The following SIPA1L3 variants were observed in gnomAD, a reference collection of about 807,000 sequenced individuals.
The protein encoded by SIPA1L3 is signal induced proliferation associated 1 like 3, also known as signal-induced proliferation-associated 1-like protein 3.
Under a neutral mutation model 150.1 loss-of-function variants are expected in SIPA1L3, and 59 were observed. The observed-to-expected ratio is 0.39, with a 90% CI of 0.32 to 0.49. SIPA1L3 has a LOEUF of 0.49. Ranked by LOEUF, SIPA1L3 falls within the 20% of genes least tolerant of loss-of-function variation. SIPA1L3 has a pLI of 0.86. For synonymous variants in SIPA1L3, 1,070 were observed against 1,077.6 expected (o/e 0.99, Z 0.14); for missense variants, 2,211 against 2,489.5 (o/e 0.89, Z 2.38).
Position 38,037,394 on chromosome 19 carries a change from G to A in SIPA1L3, c.-311+8238G>A, listed in dbSNP as rs374550448. On this transcript the variant is annotated intron_variant, in intron 2 of 21. Transcript: ENST00000222345. ...GAGGGAACCGCATCAGCAGAGCTCC[G>A]GACGTGGGAAGGAGCTTGACTCTGC... Among the ~76,000 whole-genome samples, 3 of 152,286 alleles carry A rather than the reference G, an allele frequency of 2.0e-5. No individual in the cohort carries two copies. In the East Asian group the frequency reaches 5.8e-4, roughly 29 times the overall value.
chr19:37,924,508 T>C (rs1000881937), intron 1 of SIPA1L3, among the ~76,000 whole-genome samples: 1 of 148,384 alleles, frequency 6.7e-6, no homozygotes, highest in Non-Finnish European at 1.5e-5. Context: ...CGAAACCCCA[T>C]CTCTACTAAA....
In SIPA1L3 at chr19:38,121,567, C is replaced by T. The variant is rs187094206; in HGVS notation, c.2868+1685C>T. Among the ~76,000 whole-genome samples the T allele has an allele frequency of 2.4e-3, 356 of 150,014 alleles. 1 individual carries two copies. Among genetic ancestry groups the T allele is most frequent in the African/African-American group, 8.2e-3 (335 of 40,736 alleles). On this transcript the variant is annotated intron_variant, in intron 9 of 21. Coordinates refer to ENST00000222345, the MANE Select transcript of SIPA1L3 (RefSeq NM_015073.3). The stretch of plus-strand genomic sequence containing the variant: ...CATCCTGGCTAACACAGTGAAACCC[C>T]GTCTCTATTAAAAATACAAAAATTA...
intron 1 of SIPA1L3, among the ~76,000 whole-genome samples, chr19:38,016,061 T>C (rs2145690534): frequency 6.6e-6 from 1 of 152,260 alleles, no homozygotes; most frequent in East Asian, 1.9e-4. Context: ...ACATGCATGC[T>C]CCATTGGCCC....
chr19:38,059,439 G>A (rs553979677), intron 2 of SIPA1L3, among the ~76,000 whole-genome samples: 1 of 151,952 alleles, frequency 6.6e-6, no homozygotes, highest in East Asian at 1.9e-4. Context: ...GAGTAGCTGG[G>A]ACTACAGGTG....
chr19:37,998,979 TCA>T (rs35998048), intron 1 of SIPA1L3, among the ~76,000 whole-genome samples: 29,672 of 145,678 alleles, frequency 0.2, 3,013 homozygotes, highest in South Asian at 0.29. Flanking sequence ...GCCCTATCTA[TCA>T]CACACACACA....
Position 37,942,710 on chromosome 19 carries a change from G to A in SIPA1L3, c.-379+35352G>A, listed in dbSNP as rs192757889. On this transcript the variant is annotated intron_variant, in intron 1 of 21. Coordinates refer to ENST00000222345, the MANE Select transcript of SIPA1L3 (RefSeq NM_015073.3). ...TGAGGAGAGAAGTAGAGTCCCGGAT[G>A]AGAGTGGTGGCAATGGGGACAAGAA... Among the ~76,000 whole-genome samples the A allele has an allele frequency of 3.5e-3, 533 of 152,200 alleles. 3 individuals are homozygous for A. Among genetic ancestry groups the A allele is most frequent in the African/African-American group, 0.012 (498 of 41,522 alleles).
intron 1 of SIPA1L3, among the ~76,000 whole-genome samples, chr19:37,943,345 A>C (rs1236461710): frequency 2.0e-5 from 3 of 152,056 alleles, no homozygotes; most frequent in Non-Finnish European, 1.5e-5. Flanking sequence ...CCACAGTCCG[A>C]CCACGCTCTC....
At position 38,018,874 on chromosome 19, in the gene SIPA1L3, G is replaced by C. The variant is rs553940825; in HGVS notation, c.-378-10215G>C. ...CGTACCTAGCATCCTACCCCACACA[G>C]TGTCCAGAGTGAGGTAGTGCCCATT... On this transcript the variant is annotated intron_variant, in intron 1 of 21. Transcript: ENST00000222345. Among the ~76,000 whole-genome samples, 243 of 152,272 alleles carry C rather than the reference G, an allele frequency of 1.6e-3. 1 individual carries two copies. The highest frequency in any genetic ancestry group is 1.2e-3 in the Non-Finnish European group (80 of 68,032).
chr19:38,113,846 G>T (rs1206964351), intron 8 of SIPA1L3, among the ~76,000 whole-genome samples: 1 of 152,076 alleles, frequency 6.6e-6, no homozygotes, highest in African/African-American at 2.4e-5. Context: ...CTTGCCCTCT[G>T]GTGATCAGGT....
intron 1 of SIPA1L3, among the ~76,000 whole-genome samples, chr19:37,932,022 C>A (rs1229530969): frequency 6.6e-6 from 1 of 152,240 alleles, no homozygotes; most frequent in Non-Finnish European, 1.5e-5. Context: ...TATTATTAGC[C>A]AGCCAAAGCC....
intron 10 of SIPA1L3, among the ~76,000 whole-genome samples, chr19:38,133,988 T>C (rs1019832139): frequency 6.8e-6 from 1 of 148,052 alleles, no homozygotes; most frequent in African/African-American, 2.5e-5. Context: ...TACAACAAAT[T>C]TTTTTTTTTT....
At chr19:38,069,269 G>A (rs561936801) in intron 2 of SIPA1L3, among the ~76,000 whole-genome samples, 3 of 152,274 alleles carry the variant, frequency 2.0e-5, no homozygotes, top group Middle Eastern at 3.4e-3. Context: ...AGGACAAGGC[G>A]CTCTGAATCA....
chr19:38,086,017 A>C (rs1654356), intron 3 of SIPA1L3, among the ~76,000 whole-genome samples: 71,876 of 151,690 alleles, frequency 0.47, 17,605 homozygotes, highest in East Asian at 0.76. Flanking sequence ...CAAAACAAAA[A>C]AAAAACGCTA....
chr19:37,937,256 A>C (rs897832060), intron 1 of SIPA1L3, among the ~76,000 whole-genome samples: 1 of 152,192 alleles, frequency 6.6e-6, no homozygotes, highest in Non-Finnish European at 1.5e-5. Context: ...GGTCCATGAA[A>C]AAAATATTCA....
intron 1 of SIPA1L3, among the ~76,000 whole-genome samples, chr19:38,007,330 G>A (rs1462075226): frequency 6.6e-6 from 1 of 151,914 alleles, no homozygotes; most frequent in Non-Finnish European, 1.5e-5. Flanking sequence ...GCACGCACCT[G>A]TAATCCCAGC....
intron 2 of SIPA1L3, among the ~76,000 whole-genome samples, chr19:38,045,399 AT>A (rs1466738971): frequency 1.3e-5 from 2 of 149,656 alleles, no homozygotes; most frequent in African/African-American, 4.9e-5. Context: ...AAGATACCAA[AT>A]AATCACTCAG....
intron 1 of SIPA1L3, among the ~76,000 whole-genome samples, chr19:37,986,595 G>C (rs1967356938): frequency 6.6e-6 from 1 of 152,212 alleles, no homozygotes. Context: ...CTCCACAAAA[G>C]GGACTGCTCT....
intron 17 of SIPA1L3, 152 bp downstream of exon 17, chr19:38,192,462 G>A (rs1345846526): frequency 2.9e-6 from 2 of 698,828 alleles, no homozygotes; most frequent in East Asian, 3.0e-5. Context: ...CCTGTTGGGG[G>A]CTATGGGCTC....
intron 2 of SIPA1L3, among the ~76,000 whole-genome samples, chr19:38,051,302 G>A (rs1969192614): frequency 6.6e-6 from 1 of 152,160 alleles, no homozygotes; most frequent in South Asian, 2.1e-4. Flanking sequence ...ATGACTGCCT[G>A]TATCATATGG....
Sources: allele counts gnomAD v4.1 joint callset (sites outside exome capture counted in the v4.1 genomes callset), GRCh38; gene constraint gnomAD v4.1.1; transcripts MANE v1.5; gene names NCBI Gene and HGNC (gene_info 2026-07-23, HGNC 2026-07-21).